The following NTRK3 variants were observed in gnomAD, a reference collection of about 807,000 sequenced individuals.
The protein encoded by NTRK3 is neurotrophic receptor tyrosine kinase 3, also known as NT-3 growth factor receptor.
In NTRK3, 24 loss-of-function variants were observed where a neutral mutation model predicts 91.7. The observed-to-expected ratio is 0.26, with a 90% CI of 0.19 to 0.37. The LOEUF (loss-of-function observed/expected upper bound fraction) is 0.37, where lower values mean the gene tolerates loss of function less well. Ranked by LOEUF, NTRK3 falls within the 10% of genes least tolerant of loss-of-function variation. The pLI, the probability that NTRK3 is intolerant of heterozygous loss-of-function variation, is 1.00. For synonymous variants in NTRK3, 483 were observed against 404.0 expected (o/e 1.20, Z -2.34); for missense variants, 880 against 1,068.9 (o/e 0.82, Z 2.46).
intron 3 of NTRK3, among the ~76,000 whole-genome samples, chr15:88,239,589 G>A (rs1290382544): frequency 6.6e-6 from 1 of 152,150 alleles, no homozygotes. Flanking sequence ...CTTAGGGAAA[G>A]GTCAGCATGG....
At chr15:87,919,018 C>T (rs2067658762) in intron 17 of NTRK3, among the ~76,000 whole-genome samples, 1 of 152,180 alleles carries the variant, frequency 6.6e-6, no homozygotes, top group African/African-American at 2.4e-5. Flanking sequence ...AAAAAGGAAA[C>T]TTGAGTACAT....
chr15:88,225,907 A>G (rs748264097), intron 3 of NTRK3, among the ~76,000 whole-genome samples: 2 of 152,162 alleles, frequency 1.3e-5, no homozygotes, highest in African/African-American at 2.4e-5. Flanking sequence ...CTACCTAGAC[A>G]TGCACAGCCT....
At chr15:88,064,951 T>C (rs905613972) in intron 13 of NTRK3, among the ~76,000 whole-genome samples, 1 of 152,230 alleles carries the variant, frequency 6.6e-6, no homozygotes, top group Admixed American at 6.5e-5. Context: ...AGAGATCTCA[T>C]CTTGCTTTTC....
chr15:88,256,015 G>A (rs771206956), exon 3 of NTRK3: 4 of 1,613,528 alleles, frequency 2.5e-6, no homozygotes, highest in Non-Finnish European at 2.5e-6. Flanking sequence ...TCGTCCGGCC[G>A]CCGGCAATTG....
intron 3 of NTRK3, among the ~76,000 whole-genome samples, chr15:88,201,972 T>C (rs986090371): frequency 1.4e-4 from 22 of 152,064 alleles, no homozygotes; most frequent in African/African-American, 5.3e-4. Context: ...CTCATTTCTT[T>C]GTCATAGATG....
intron 6 of NTRK3, among the ~76,000 whole-genome samples, chr15:88,138,842 C>G (rs1378226426): frequency 3.9e-5 from 6 of 152,208 alleles, no homozygotes; most frequent in African/African-American, 1.4e-4. Flanking sequence ...TTGAGGTCAG[C>G]AACATTGCCT....
chr15:88,124,320 G>A (rs1231452382), intron 13 of NTRK3, among the ~76,000 whole-genome samples: 1 of 152,208 alleles, frequency 6.6e-6, no homozygotes, highest in Non-Finnish European at 1.5e-5. Context: ...GGAGAGGGGA[G>A]CAGGGGCTGG....
At chr15:88,152,369 AT>A (rs1260892745) in intron 5 of NTRK3, among the ~76,000 whole-genome samples, 1 of 152,172 alleles carries the variant, frequency 6.6e-6, no homozygotes, top group Non-Finnish European at 1.5e-5. Flanking sequence ...TGGAGATGGG[AT>A]TTTTAAAGAC....
At chr15:87,916,666 G>T (rs555494562) in intron 17 of NTRK3, 6 of 688,354 alleles carry the variant, frequency 8.7e-6, no homozygotes, top group Non-Finnish European at 1.6e-5. Flanking sequence ...TTATTTTTTG[G>T]CAGGATTAGG....
At chr15:87,909,382 T>C (rs2066955218) in intron 17 of NTRK3, among the ~76,000 whole-genome samples, 1 of 152,166 alleles carries the variant, frequency 6.6e-6, no homozygotes, top group South Asian at 2.1e-4. Flanking sequence ...ACACAGTCTC[T>C]GCTCTCAATT....
intron 14 of NTRK3, among the ~76,000 whole-genome samples, chr15:88,017,474 A>G (rs2077314231): frequency 6.6e-6 from 1 of 152,244 alleles, no homozygotes; most frequent in Non-Finnish European, 1.5e-5. Context: ...AAAGAAGACA[A>G]CTTCTGCTCT....
intron 13 of NTRK3, among the ~76,000 whole-genome samples, chr15:88,053,553 G>A (rs941878223): frequency 1.3e-5 from 2 of 152,202 alleles, no homozygotes; most frequent in Admixed American, 1.3e-4. Context: ...TAGGTACGTT[G>A]GTCAGGGGTA....
intron 17 of NTRK3, among the ~76,000 whole-genome samples, chr15:87,920,171 T>A (rs1352242452): frequency 6.6e-6 from 1 of 152,180 alleles, no homozygotes; most frequent in Admixed American, 6.5e-5. Flanking sequence ...CCAAAGTGAC[T>A]GATATTTTGT....
intron 13 of NTRK3, among the ~76,000 whole-genome samples, chr15:88,092,255 G>C (rs944277881): frequency 6.6e-6 from 1 of 152,192 alleles, no homozygotes; most frequent in Non-Finnish European, 1.5e-5. Context: ...CATTCTTGGA[G>C]GGCTGGGCCA....
At chr15:88,132,155 C>T (rs1266987158) in intron 10 of NTRK3, 1 of 179,180 alleles carries the variant, frequency 5.6e-6, no homozygotes. Context: ...GGTTCCATGA[C>T]AACTAGCCTA....
chr15:88,171,020 G>A (rs78433421), intron 5 of NTRK3, among the ~76,000 whole-genome samples: 1,863 of 152,230 alleles, frequency 0.012, 21 homozygotes, highest in Non-Finnish European at 0.02. Context: ...TATCCTGGGT[G>A]GAGACTTCAC....
intron 17 of NTRK3, among the ~76,000 whole-genome samples, chr15:87,921,566 A>G (rs1396683319): frequency 6.6e-6 from 1 of 152,076 alleles, no homozygotes; most frequent in Non-Finnish European, 1.5e-5. Context: ...ACATGAATAG[A>G]CTTGTGATGG....
rs2052351236 is a variant in NTRK3, at chr15:88,241,537, C to T, written c.248+14369G>A. 6.6e-6 allele frequency among the ~76,000 whole-genome samples: 1 copy of T among 152,138 alleles called. No homozygotes were observed. The highest frequency in any genetic ancestry group is 1.5e-5 in the Non-Finnish European group (1 of 68,020). ...CCAGGGCCCAGGGAGCTGCTCTGGGCTGGAAAGGAGGAGGGAGGGTGTGCC... is the reference window on the plus strand; with the variant it reads ...CCAGGGCCCAGGGAGCTGCTCTGGGTTGGAAAGGAGGAGGGAGGGTGTGCC... On this transcript the variant is annotated intron_variant, in intron 3 of 18. Transcript: ENST00000394480. This position sits in a 1 kb window ranked among gnomAD's most constrained non-coding sequence, Gnocchi z 4.3.
At chr15:88,253,672 T>G (rs74027932) in intron 3 of NTRK3, among the ~76,000 whole-genome samples, 26,548 of 152,200 alleles carry the variant, frequency 0.17, 3,183 homozygotes, top group African/African-American at 0.34. Context: ...TGGGAATCCA[T>G]TTCCCTTGTT....
Sources: allele counts gnomAD v4.1 joint callset (sites outside exome capture counted in the v4.1 genomes callset), GRCh38; gene constraint gnomAD v4.1.1; non-coding constraint Gnocchi (gnomAD v3.1); transcripts MANE v1.5; gene names NCBI Gene and HGNC (gene_info 2026-07-23, HGNC 2026-07-21).